The following GPATCH2L variants were observed in gnomAD, a reference collection of about 807,000 sequenced individuals.
GPATCH2L encodes the protein G patch domain-containing protein 2-like.
A neutral mutation model predicts 57.4 loss-of-function variants in GPATCH2L; 31 were observed. That is an observed-to-expected ratio of 0.54 (90% CI 0.41 to 0.73). The LOEUF (loss-of-function observed/expected upper bound fraction) is 0.73, where lower values mean the gene tolerates loss of function less well. GPATCH2L is among the 30% of genes least tolerant of loss of function. The pLI is 0.00. For synonymous variants in GPATCH2L, 199 were observed against 210.7 expected (o/e 0.94, Z 0.48); for missense variants, 481 against 599.9 (o/e 0.80, Z 2.07).
chr14:76,174,327 C>G (rs919643767), intron 5 of GPATCH2L: 2 of 152,176 alleles, frequency 1.3e-5, no homozygotes, highest in African/African-American at 4.8e-5. Context: ...ATTTTTTACT[C>G]TACTTTGAGA....
chr14:76,156,058 A>G (rs771130068), intron 2 of GPATCH2L, among the ~76,000 whole-genome samples: 1 of 152,164 alleles, frequency 6.6e-6, no homozygotes, highest in Non-Finnish European at 1.5e-5. Context: ...TCACAATTCC[A>G]CTATATGGTG....
At chr14:76,215,420 A>G (rs1415471413), downstream of GPATCH2L, among the ~76,000 whole-genome samples, 2 of 151,984 alleles carry the variant, frequency 1.3e-5, no homozygotes, top group Non-Finnish European at 2.9e-5. Context: ...TACTGGGTAT[A>G]TACCCAAATG....
intron 2 of GPATCH2L, chr14:76,234,597 G>A (rs1183436142): frequency 6.6e-6 from 1 of 152,258 alleles, no homozygotes; most frequent in Non-Finnish European, 1.5e-5. Flanking sequence ...GTCTCTAAGA[G>A]CTGAGGGTAG....
intron 2 of GPATCH2L, among the ~76,000 whole-genome samples, chr14:76,163,254 T>C (rs1346492393): frequency 6.6e-6 from 1 of 152,194 alleles, no homozygotes; most frequent in Non-Finnish European, 1.5e-5. Context: ...TTGTGGAGTT[T>C]GGGGGTAGAA....
At chr14:76,230,912 G>A (rs530276458) in intron 2 of GPATCH2L, among the ~76,000 whole-genome samples, 407 of 152,262 alleles carry the variant, frequency 2.7e-3, no homozygotes, top group Non-Finnish European at 4.5e-3. Context: ...AGTAAATTAG[G>A]GGTGGAGGGC....
Position 76,210,424 on chromosome 14 carries a change from T to C in GPATCH2L, c.*8573T>C, listed in dbSNP as rs2040428000. ...GGAGGGCATGTACATATGCATAAGC[T>C]GTGGGCCACTGGGCCATGGGCCAGT... On this transcript the variant is annotated 3_prime_UTR_variant, in exon 10 of 10. Coordinates refer to ENST00000261530, the MANE Select transcript of GPATCH2L (RefSeq NM_017926.4). The C allele has an allele frequency of 6.6e-6, 1 of 152,170 alleles. No individual in the cohort carries two copies. Among genetic ancestry groups the C allele is most frequent in the Non-Finnish European group, 1.5e-5 (1 of 68,030 alleles). The allele number at this position is 152,170 out of a possible 1,614,324, so 9.4% of individuals were successfully genotyped here.
Position 76,208,098 on chromosome 14 carries a change from GT to G in GPATCH2L, c.*6249del, listed in dbSNP as rs1386714765. On this transcript the variant is annotated 3_prime_UTR_variant, in exon 10 of 10. Transcript: ENST00000261530. ...GTTAAAACTACCTCTGGCCAAAAAT[GT>G]TAGTGTTACTAGATATTATCAAGGT... 1 of 152,110 alleles carries G rather than the reference GT, an allele frequency of 6.6e-6. No individual in the cohort carries two copies. The highest frequency in any genetic ancestry group is 1.5e-5 in the Non-Finnish European group (1 of 68,010). 9.4% of individuals were successfully genotyped at this position (152,110 alleles called of 1,614,324 possible).
intron 1 of GPATCH2L, among the ~76,000 whole-genome samples, chr14:76,152,314 T>G (rs1284946613): frequency 6.6e-6 from 1 of 152,124 alleles, no homozygotes; most frequent in Non-Finnish European, 1.5e-5. Flanking sequence ...TGGAGAGTCC[T>G]TCGAAACACA....
At chr14:76,214,613 T>C (rs1418361046), downstream of GPATCH2L, among the ~76,000 whole-genome samples, 1 of 152,208 alleles carries the variant, frequency 6.6e-6, no homozygotes, top group Non-Finnish European at 1.5e-5. Flanking sequence ...GTTAGCTCTC[T>C]GGGGTCTCTT....
chr14:76,193,719 C>T (rs954307779), intron 8 of GPATCH2L, among the ~76,000 whole-genome samples: 2 of 152,148 alleles, frequency 1.3e-5, no homozygotes. Context: ...TAGAGTGCCA[C>T]CATCCTGATG....
chr14:76,189,221 T>C (rs1441976574), intron 8 of GPATCH2L, among the ~76,000 whole-genome samples: 1 of 152,136 alleles, frequency 6.6e-6, no homozygotes, highest in Non-Finnish European at 1.5e-5. Context: ...TTTTGGATTC[T>C]TTTTCCTATC....
intron 8 of GPATCH2L, among the ~76,000 whole-genome samples, chr14:76,191,340 A>G (rs1052166829): frequency 1.3e-5 from 2 of 152,054 alleles, no homozygotes; most frequent in Non-Finnish European, 2.9e-5. Context: ...TTAATTTTTT[A>G]TGTCTGCAAT....
chr14:76,167,056 A>C (rs1006942528), intron 3 of GPATCH2L, among the ~76,000 whole-genome samples: 2 of 152,178 alleles, frequency 1.3e-5, no homozygotes, highest in African/African-American at 4.8e-5. Context: ...TATTAGAATA[A>C]AGAAATAGGT....
At position 76,154,861 on chromosome 14, in the gene GPATCH2L, G is replaced by A. The variant is rs755584927; in HGVS notation, c.498G>A (p.Gln166=). Residue 166 remains glutamine (Q), a synonymous_variant, in exon 2 of 10, where the codon CAG becomes CAA. Transcript: ENST00000261530. This position sits in a 1 kb window ranked among gnomAD's most constrained non-coding sequence, Gnocchi z 4.4. ...GCAGGTTCAAGTCTGCTAAGAAGCA[G>A]CGTCTGTCCCGCTGGAAGGAGAATA... ...RGCRFKSAKK[Q]RLSRWKENTP... is the part of the protein sequence containing the mutation. 12 of 1,614,124 alleles carry A rather than the reference G, an allele frequency of 7.4e-6. No individual in the cohort carries two copies. In the African/African-American group the frequency reaches 1.3e-4, roughly 18 times the overall value.
Position 76,208,580 on chromosome 14 carries a change from C to T in GPATCH2L, c.*6729C>T, listed in dbSNP as rs191129026. 8.1e-3 allele frequency: 1,242 copies of T among 152,996 alleles called. 11 individuals are homozygous for T. The highest frequency in any genetic ancestry group is 0.012 in the Non-Finnish European group (832 of 68,256). The allele number at this position is 152,996 out of a possible 1,614,324, so 9.5% of individuals were successfully genotyped here. On this transcript the variant is annotated 3_prime_UTR_variant, in exon 10 of 10. Coordinates refer to ENST00000261530, the MANE Select transcript of GPATCH2L (RefSeq NM_017926.4). ...CCACTTAGACACCCACACACACACACGCTTCCTTACCTTCTTGCCAGTGCC... is the reference window on the plus strand; with the variant it reads ...CCACTTAGACACCCACACACACACATGCTTCCTTACCTTCTTGCCAGTGCC...
intron 2 of GPATCH2L, among the ~76,000 whole-genome samples, chr14:76,166,105 TGTTTTTAACTTTA>T (rs1455604362): frequency 6.6e-6 from 1 of 152,200 alleles, no homozygotes; most frequent in Admixed American, 6.5e-5. Context: ...TTTATATTTT[TGTTTTTAACTTTA>T]GTTCCTTTTT....
chr14:76,198,209 G>A (rs1305322389), intron 9 of GPATCH2L, among the ~76,000 whole-genome samples: 1 of 152,116 alleles, frequency 6.6e-6, no homozygotes, highest in Non-Finnish European at 1.5e-5. Flanking sequence ...CTAGTGCACA[G>A]AACCACACCC....
chr14:76,159,378 C>T (rs1411308995), intron 2 of GPATCH2L, among the ~76,000 whole-genome samples: 2 of 152,158 alleles, frequency 1.3e-5, no homozygotes, highest in Non-Finnish European at 2.9e-5. Context: ...AGAATTTGTT[C>T]AAAGGCCTCT....
At chr14:76,172,862 A>T (rs2039149190) in intron 4 of GPATCH2L, among the ~76,000 whole-genome samples, 1 of 152,214 alleles carries the variant, frequency 6.6e-6, no homozygotes, top group Non-Finnish European at 1.5e-5. Context: ...AATTTTTGTC[A>T]TGGCGAACCA....
Sources: gnomAD v4.1 joint callset for allele counts (sites outside exome capture counted in the v4.1 genomes callset) on GRCh38, gnomAD v4.1.1 for gene constraint, Gnocchi (gnomAD v3.1) non-coding constraint, MANE v1.5 for transcripts, NCBI Gene and HGNC (gene_info 2026-07-23, HGNC 2026-07-21) for gene names.